VWF: variants seen among roughly 807,000 people sequenced by gnomAD.
VWF encodes Factor VIII related antigen.
A neutral mutation model predicts 308.6 loss-of-function variants in VWF; 176 were observed. That is an observed-to-expected ratio of 0.57 (90% CI 0.50 to 0.65). VWF has a LOEUF of 0.65. Among genes scored for constraint, VWF ranks in the 30% least tolerant of loss-of-function variants. VWF has a pLI of 0.00. For synonymous variants in VWF, 1,385 were observed against 1,443.4 expected (o/e 0.96, Z 0.92); for missense variants, 3,146 against 3,648.2 (o/e 0.86, Z 3.55).
chr12:5,964,273 TGC>T (rs1491121462), intron 47 of VWF, among the ~76,000 whole-genome samples: 12 of 132,686 alleles, frequency 9.0e-5, no homozygotes, highest in African/African-American at 4.7e-4. Flanking sequence ...CATACATACA[TGC>T]ATACATACAT....
chr12:5,971,559 C>G, intron 44 of VWF, 40 bp downstream of exon 44: 1 of 1,550,168 alleles, frequency 6.5e-7, no homozygotes, highest in Non-Finnish European at 8.9e-7. Context: ...TGGAGTGGCC[C>G]CAATCTGCCC....
At chr12:5,991,733 G>A (rs936586332) in intron 38 of VWF, 86 bp downstream of exon 38, 1 of 1,459,010 alleles carries the variant, frequency 6.9e-7, no homozygotes, top group Non-Finnish European at 9.6e-7. Flanking sequence ...GCCACAGTTG[G>A]AAGAGGCCAA....
At chr12:5,983,704 G>A (rs1331346701) in intron 40 of VWF, among the ~76,000 whole-genome samples, 2 of 151,840 alleles carry the variant, frequency 1.3e-5, no homozygotes, top group South Asian at 2.1e-4. Context: ...GATAGAGATA[G>A]GATAGATTAT....
At chr12:6,062,104 CT>C (rs1255137772) in intron 13 of VWF, among the ~76,000 whole-genome samples, 2 of 152,110 alleles carry the variant, frequency 1.3e-5, no homozygotes, top group African/African-American at 2.4e-5. Context: ...AATTTTCAAT[CT>C]GATAAATACC....
intron 6 of VWF, among the ~76,000 whole-genome samples, chr12:6,084,929 C>G (rs569123491): frequency 7.0e-4 from 106 of 152,278 alleles, no homozygotes; most frequent in Middle Eastern, 3.4e-3. Context: ...AGATTCCCAC[C>G]CGCATTCCAA....
At position 6,075,190 on chromosome 12, in the gene VWF, G is replaced by A. The variant is rs567164640; in HGVS notation, c.874+145C>T. ...CAGGAGCCATTCAGGAAATGGGTCC[G>A]GGACACGTGGCTTTGTAGTCACTGG... is the stretch of plus-strand genomic sequence containing the variant. On this transcript the variant is annotated intron_variant, in intron 7 of 51. Coordinates refer to ENST00000261405, the MANE Select transcript of VWF (RefSeq NM_000552.5). This position sits in a 1 kb window ranked among gnomAD's most constrained non-coding sequence, Gnocchi z 4.7. 11 of 1,033,814 alleles carry A rather than the reference G, an allele frequency of 1.1e-5. No individual in the cohort carries two copies. The highest frequency in any genetic ancestry group is 4.4e-5 in the South Asian group (3 of 68,360). 64.0% of individuals were successfully genotyped at this position (1,033,814 alleles called of 1,614,324 possible).
At chr12:5,964,238 A>ACATACATACATG (rs1405487870) in intron 47 of VWF, among the ~76,000 whole-genome samples, 40 of 138,700 alleles carry the variant, frequency 2.9e-4, no homozygotes, top group African/African-American at 1.1e-3. Flanking sequence ...ATACATACAT[A>ACATACATACATG]CATACATACA....
rs371349132 is a variant in VWF, at chr12:6,119,796, C to T, written c.220+1378G>A. The stretch of plus-strand genomic sequence containing the variant: ...GGCGGAGGTTGCAGTGAGCCAAGAT[C>T]GCACCACTCACTGCACTCCAGCCTG... On this transcript the variant is annotated intron_variant, in intron 3 of 51. Coordinates refer to ENST00000261405, the MANE Select transcript of VWF (RefSeq NM_000552.5). Among the ~76,000 whole-genome samples the T allele has an allele frequency of 2.1e-4, 32 of 152,206 alleles. No individual in the cohort carries two copies. In the East Asian group the frequency reaches 3.5e-3, roughly 17 times the overall value.
At chr12:5,961,638 A>G (rs1943318211) in intron 47 of VWF, among the ~76,000 whole-genome samples, 1 of 151,980 alleles carries the variant, frequency 6.6e-6, no homozygotes, top group African/African-American at 2.4e-5. Context: ...TGAATTTAGC[A>G]AGGCTGAAGA....
In VWF at chr12:6,019,848, G is replaced by C. The variant is rs1464027617; in HGVS notation, c.3675-105C>G. 3 of 1,301,852 alleles carry C rather than the reference G, an allele frequency of 2.3e-6. No homozygotes were observed. Among genetic ancestry groups the C allele is most frequent in the Middle Eastern group, 2.5e-4 (1 of 3,976 alleles). 80.6% of individuals were successfully genotyped at this position (1,301,852 alleles called of 1,614,324 possible). ...TCCATATTCCCACAGAATCTCCTCTGTTCCACCTGAACTTGAGATCCCATG... is the reference window on the plus strand; with the variant it reads ...TCCATATTCCCACAGAATCTCCTCTCTTCCACCTGAACTTGAGATCCCATG... On this transcript the variant is annotated intron_variant, in intron 27 of 51. Transcript: ENST00000261405. This position sits in a 1 kb window ranked among gnomAD's most constrained non-coding sequence, Gnocchi z 5.8.
At chr12:6,065,563 G>A (rs2283332) in intron 10 of VWF, among the ~76,000 whole-genome samples, 15,460 of 152,212 alleles carry the variant, frequency 0.1, 859 homozygotes, top group South Asian at 0.18. Context: ...AGGAACCCAC[G>A]CTCCTGCTTC....
chr12:6,065,738 C>T (rs1392916475), intron 10 of VWF, among the ~76,000 whole-genome samples: 1 of 152,012 alleles, frequency 6.6e-6, no homozygotes, highest in Admixed American at 6.6e-5. Context: ...TGTGGAGAGG[C>T]TCTGGGAAAC....
intron 15 of VWF, among the ~76,000 whole-genome samples, chr12:6,054,685 G>A (rs775153566): frequency 1.3e-5 from 2 of 152,126 alleles, no homozygotes; most frequent in Non-Finnish European, 2.9e-5. Context: ...CAATTTGCAA[G>A]AGGAAAAAAA....
At chr12:5,985,766 C>A in intron 38 of VWF, 101 bp from the exon 39 acceptor site, 1 of 1,091,710 alleles carries the variant, frequency 9.2e-7, no homozygotes, top group South Asian at 1.3e-5. Context: ...AGGGCCAGTC[C>A]CTGACCCAGC....
chr12:6,115,406 A>G (rs1028231804), intron 3 of VWF, among the ~76,000 whole-genome samples: 4 of 152,206 alleles, frequency 2.6e-5, no homozygotes, highest in Non-Finnish European at 4.4e-5. Context: ...GGCAGCAGGA[A>G]GAATCTAAAT....
intron 38 of VWF, among the ~76,000 whole-genome samples, chr12:5,990,899 A>T (rs1943733783): frequency 2.4e-5 from 1 of 41,338 alleles, no homozygotes; most frequent in South Asian, 1.1e-3. Flanking sequence ...AAAAAAAAAA[A>T]AAAAAAAAAT....
rs1187147290 is a variant in VWF at position 6,063,451 on chromosome 12, G to C, written c.1433-397C>G. 6.6e-6 allele frequency among the ~76,000 whole-genome samples: 1 copy of C among 152,198 alleles called. No homozygotes were observed. The highest frequency in any genetic ancestry group is 1.5e-5 in the Non-Finnish European group (1 of 68,038). ...CCACTGCACACCACCTCATGTCTGAGCGATGCTGTGTACGACACTGAATAC... is the reference window on the plus strand; with the variant it reads ...CCACTGCACACCACCTCATGTCTGACCGATGCTGTGTACGACACTGAATAC... On this transcript the variant is annotated intron_variant, in intron 12 of 51. Coordinates refer to ENST00000261405, the MANE Select transcript of VWF (RefSeq NM_000552.5). This position sits in a 1 kb window ranked among gnomAD's most constrained non-coding sequence, Gnocchi z 4.9.
intron 47 of VWF, among the ~76,000 whole-genome samples, chr12:5,965,229 G>A (rs1043662888): frequency 6.6e-6 from 1 of 152,134 alleles, no homozygotes; most frequent in Non-Finnish European, 1.5e-5. Flanking sequence ...CACTTGTTTA[G>A]GTCTGAGCAG....
At position 6,025,430 on chromosome 12, in the gene VWF, A is replaced by G. The variant is rs1231780824; in HGVS notation, c.3222+150T>C. 5.7e-6 allele frequency: 4 copies of G among 703,738 alleles called. No homozygotes were observed. In the East Asian group the frequency reaches 1.1e-4, roughly 19 times the overall value. 43.6% of individuals were successfully genotyped at this position (703,738 alleles called of 1,614,324 possible). On this transcript the variant is annotated intron_variant, in intron 24 of 51. Coordinates refer to ENST00000261405, the MANE Select transcript of VWF (RefSeq NM_000552.5). ...ATTTTACTTTTTGTTTCCCAGATTG[A>G]AAGCCAAGAAAAAAAGCCGAAGTGG...
Sources: allele counts gnomAD v4.1 joint callset (sites outside exome capture counted in the v4.1 genomes callset), GRCh38; gene constraint gnomAD v4.1.1; non-coding constraint Gnocchi (gnomAD v3.1); transcripts MANE v1.5; gene names NCBI Gene and HGNC (gene_info 2026-07-23, HGNC 2026-07-21).